MTCL1: variants seen among roughly 807,000 people sequenced by gnomAD.
MTCL1 encodes the protein microtubule cross-linking factor 1.
Under a neutral mutation model 141.4 loss-of-function variants are expected in MTCL1, and 79 were observed. The ratio of observed to expected loss-of-function variants is 0.56; its 90% CI spans 0.47 to 0.67. The LOEUF (loss-of-function observed/expected upper bound fraction) is 0.67, where lower values mean the gene tolerates loss of function less well. Among genes scored for constraint, MTCL1 ranks in the 30% least tolerant of loss-of-function variants. The pLI, the probability that MTCL1 is intolerant of heterozygous loss-of-function variation, is 0.00. For missense variants in MTCL1, 2,177 were observed against 2,113.9 expected, an observed-to-expected ratio of 1.03 and a Z score of -0.59; for synonymous variants, 914 against 875.8, an observed-to-expected ratio of 1.04 and a Z score of -0.77.
At chr18:8,721,652 G>C (rs117955838) in intron 4 of MTCL1, among the ~76,000 whole-genome samples, 4 of 152,018 alleles carry the variant, frequency 2.6e-5, no homozygotes, top group Admixed American at 6.6e-5. Context: ...CTCAACACTC[G>C]TGAAAGTTGT....
At chr18:8,778,678 C>T (rs1248730686) in intron 5 of MTCL1, among the ~76,000 whole-genome samples, 1 of 152,226 alleles carries the variant, frequency 6.6e-6, no homozygotes, top group Non-Finnish European at 1.5e-5. Flanking sequence ...GCCCCTGCAG[C>T]AGCAGAAAGC....
intron 4 of MTCL1, among the ~76,000 whole-genome samples, chr18:8,750,898 C>T (rs1313424747): frequency 6.6e-6 from 1 of 152,168 alleles, no homozygotes; most frequent in Non-Finnish European, 1.5e-5. Flanking sequence ...GGGAGTGAGG[C>T]CTGCAGTTGC....
chr18:8,777,141 C>G (rs1240489992), intron 4 of MTCL1, among the ~76,000 whole-genome samples: 1 of 152,160 alleles, frequency 6.6e-6, no homozygotes, highest in African/African-American at 2.4e-5. Flanking sequence ...GAGGCTGAGG[C>G]AAGAGAATGG....
At chr18:8,798,312 C>T (rs2143920596) in intron 10 of MTCL1, 21 bp downstream of exon 9, 2 of 1,482,584 alleles carry the variant, frequency 1.3e-6, no homozygotes, top group South Asian at 1.4e-5. Context: ...CGACCCGAGC[C>T]TGTCGCCCTG....
At chr18:8,765,288 T>C (rs2096454298) in intron 4 of MTCL1, among the ~76,000 whole-genome samples, 1 of 152,200 alleles carries the variant, frequency 6.6e-6, no homozygotes, top group South Asian at 2.1e-4. Context: ...GATGAAAAGC[T>C]GGGGCAACTA....
chr18:8,718,668 G>T lies in MTCL1; in HGVS notation c.198+20G>T, dbSNP rs201830543. The T allele has an allele frequency of 5.0e-6, 8 of 1,607,640 alleles. No homozygotes were observed. Among genetic ancestry groups the T allele is most frequent in the South Asian group, 3.3e-5 (3 of 90,894 alleles). ...TTGAAGGTGAGTGAGGGGGTGGTGC[G>T]TGCACCTCGCAAGGCTGCTGTGGAC... On this transcript the variant is annotated intron_variant, in intron 3 of 16. Transcript: ENST00000359865.
At chr18:8,825,137 T>A (rs776305375) in exon 15 of MTCL1, 5 of 1,587,094 alleles carry the variant, frequency 3.2e-6, no homozygotes. Flanking sequence ...CGGCGGCAGG[T>A]GGTGAGGGTC....
intron 4 of MTCL1, among the ~76,000 whole-genome samples, chr18:8,736,618 GC>G (rs941949895): frequency 6.6e-6 from 1 of 151,048 alleles, no homozygotes; most frequent in East Asian, 2.0e-4. Context: ...TACATTGGGG[GC>G]CTTCTATATC....
intron 4 of MTCL1, among the ~76,000 whole-genome samples, chr18:8,776,943 T>C (rs2096512697): frequency 6.6e-6 from 1 of 152,070 alleles, no homozygotes; most frequent in Admixed American, 6.6e-5. Context: ...TTAAAAATTA[T>C]TTTTTGTGTG....
At chr18:8,733,006 C>T (rs763847180) in intron 4 of MTCL1, among the ~76,000 whole-genome samples, 6 of 152,350 alleles carry the variant, frequency 3.9e-5, no homozygotes, top group East Asian at 1.9e-4. Context: ...CAGGCAAAGC[C>T]GTGTTCATTG....
intron 10 of MTCL1, among the ~76,000 whole-genome samples, chr18:8,806,338 G>GC (rs1008558874): frequency 3.9e-5 from 6 of 152,152 alleles, no homozygotes; most frequent in Admixed American, 2.6e-4. Context: ...TACCCTATGT[G>GC]CATAGGAGTC....
Position 8,727,103 on chromosome 18 carries a change from C to G in MTCL1, c.357+6607C>G, listed in dbSNP as rs1318475517. Among the ~76,000 whole-genome samples, 3 of 152,258 alleles carry G rather than the reference C, an allele frequency of 2.0e-5. No homozygotes were observed. The East Asian group carries it at 5.8e-4, about 29-fold the overall frequency. On this transcript the variant is annotated intron_variant, in intron 4 of 16. Transcript: ENST00000359865. ...TGACTTAGGATAATGGCCTCCAGCT[C>G]CATCCATGTTGCTGCGAAAGACAGG... is the stretch of plus-strand genomic sequence containing the variant.
At chr18:8,712,407 C>T (rs1162038375), upstream of MTCL1, among the ~76,000 whole-genome samples, 2 of 152,182 alleles carry the variant, frequency 1.3e-5, no homozygotes, top group African/African-American at 2.4e-5. Flanking sequence ...TGACATTTGG[C>T]AGCTGGGCTG....
chr18:8,789,470 T>G (rs2075642914), intron 7 of MTCL1: 1 of 985,472 alleles, frequency 1.0e-6, no homozygotes, highest in Non-Finnish European at 1.2e-6. Flanking sequence ...AGTTATCTTC[T>G]TAAGTGTGGG....
chr18:8,813,527 A>G (rs2076556811), intron 12 of MTCL1, among the ~76,000 whole-genome samples: 1 of 152,242 alleles, frequency 6.6e-6, no homozygotes. Context: ...AACTTTTTAA[A>G]GGAATTTAAA....
At chr18:8,807,184 G>C (rs907579494) in intron 11 of MTCL1, 124 bp downstream of exon 10, 3 of 1,033,704 alleles carry the variant, frequency 2.9e-6, no homozygotes, top group Non-Finnish European at 4.1e-6. Context: ...AAAAAGAGAG[G>C]AGTGGCTGCT....
chr18:8,796,503 G>T, intron 9 of MTCL1, 41 bp downstream of exon 8: 3 of 1,597,846 alleles, frequency 1.9e-6, no homozygotes, highest in Non-Finnish European at 2.6e-6. Context: ...CATCTGTTTT[G>T]TCCTTGACCC....
At chr18:8,831,143 G>T in intron 16 of MTCL1, 2 of 988,658 alleles carry the variant, frequency 2.0e-6, no homozygotes, top group Non-Finnish European at 2.4e-6. Context: ...ACAGCTGAAT[G>T]AAATCAGAGG....
At chr18:8,728,566 T>C (rs2096230881) in intron 4 of MTCL1, among the ~76,000 whole-genome samples, 1 of 152,118 alleles carries the variant, frequency 6.6e-6, no homozygotes. Flanking sequence ...GCATTCACCG[T>C]CAGTCTGATT....
Sources: gnomAD v4.1 joint callset for allele counts (sites outside exome capture counted in the v4.1 genomes callset) on GRCh38, gnomAD v4.1.1 for gene constraint, MANE v1.5 for transcripts, NCBI Gene and HGNC (gene_info 2026-07-23, HGNC 2026-07-21) for gene names.